The following FCHSD2 variants were observed in gnomAD, a reference collection of about 807,000 sequenced individuals.
FCHSD2 encodes F-BAR and double SH3 domains protein 2.
Under a neutral mutation model 108.1 loss-of-function variants are expected in FCHSD2, and 38 were observed. That is an observed-to-expected ratio of 0.35 (90% CI 0.27 to 0.46). FCHSD2 has a LOEUF of 0.46. Ranked by LOEUF, FCHSD2 falls within the 20% of genes least tolerant of loss-of-function variation. FCHSD2 has a pLI of 1.00. For missense variants in FCHSD2, 751 were observed against 897.8 expected (o/e 0.84, Z 2.09); for synonymous variants, 279 against 314.7 (o/e 0.89, Z 1.20).
rs1437780236 is a variant in FCHSD2, at chr11:73,141,937, G to C, written c.-60C>G. 1 of 1,478,384 alleles carries C rather than the reference G, an allele frequency of 6.8e-7. No homozygotes were observed. Among genetic ancestry groups the C allele is most frequent in the Non-Finnish European group, 9.1e-7 (1 of 1,095,540 alleles). The allele number at this position is 1,478,384 out of a possible 1,614,324, so 91.6% of individuals were successfully genotyped here. A position where few individuals can be genotyped will look rare whatever the true frequency, so the allele number is the denominator to read the frequency against. On this transcript the variant is annotated 5_prime_UTR_variant, in exon 1 of 20. Transcript: ENST00000409418. ...GCGTTAGCAAGGACCAGGAGGAGGA[G>C]GAGGGCCGGAGAGGAGGGGACGGCC...
chr11:72,998,102 G>A (rs1426863495), intron 5 of FCHSD2, among the ~76,000 whole-genome samples: 1 of 152,140 alleles, frequency 6.6e-6, no homozygotes. Context: ...AAAACAAAAT[G>A]CTGAAAAAGT....
At chr11:72,956,844 C>G (rs1180974078) in intron 8 of FCHSD2, among the ~76,000 whole-genome samples, 1 of 151,446 alleles carries the variant, frequency 6.6e-6, no homozygotes, top group Non-Finnish European at 1.5e-5. Flanking sequence ...AAAAACCAAC[C>G]CTAGAAGACA....
At chr11:73,084,947 G>A (rs1859780601) in intron 2 of FCHSD2, among the ~76,000 whole-genome samples, 1 of 130,758 alleles carries the variant, frequency 7.6e-6, no homozygotes, top group Admixed American at 7.8e-5. Context: ...AAAGACATAA[G>A]AGTAAGAAGG....
At chr11:72,988,230 T>G (rs1235205914) in intron 6 of FCHSD2, among the ~76,000 whole-genome samples, 1 of 152,240 alleles carries the variant, frequency 6.6e-6, no homozygotes, top group African/African-American at 2.4e-5. Context: ...TCAGCTCTCC[T>G]TCTCACAGAT....
At chr11:73,009,867 T>C (rs186126968) in intron 4 of FCHSD2, among the ~76,000 whole-genome samples, 6 of 152,336 alleles carry the variant, frequency 3.9e-5, no homozygotes, top group Admixed American at 3.3e-4. Flanking sequence ...TTGACTATAA[T>C]GTACCATGGA....
At chr11:73,041,264 C>T (rs900470809) in intron 3 of FCHSD2, among the ~76,000 whole-genome samples, 1 of 152,190 alleles carries the variant, frequency 6.6e-6, no homozygotes, top group Non-Finnish European at 1.5e-5. Flanking sequence ...ATTGCTGGAT[C>T]ATACGGTAGT....
chr11:72,849,205 T>C (rs150699430), intron 14 of FCHSD2, among the ~76,000 whole-genome samples: 2 of 152,260 alleles, frequency 1.3e-5, no homozygotes, highest in African/African-American at 4.8e-5. Flanking sequence ...AAGATTCATG[T>C]ATTCACGCCT....
chr11:73,090,119 A>C (rs1859917902), intron 2 of FCHSD2, among the ~76,000 whole-genome samples: 1 of 152,126 alleles, frequency 6.6e-6, no homozygotes, highest in South Asian at 2.1e-4. Context: ...CTTGATAGGA[A>C]GATCTAATGT....
At chr11:72,959,990 CT>C (rs1290062547) in intron 8 of FCHSD2, among the ~76,000 whole-genome samples, 2 of 152,036 alleles carry the variant, frequency 1.3e-5, no homozygotes, top group African/African-American at 2.4e-5. Context: ...AACCTACACA[CT>C]TCAAACACAT....
chr11:72,962,553 A>G (rs935060849), intron 8 of FCHSD2, among the ~76,000 whole-genome samples: 3 of 151,898 alleles, frequency 2.0e-5, no homozygotes, highest in African/African-American at 7.3e-5. Flanking sequence ...GATTTTTGAG[A>G]TGTTTTTCTT....
intron 2 of FCHSD2, among the ~76,000 whole-genome samples, chr11:73,130,647 C>G (rs1426854296): frequency 6.6e-6 from 1 of 152,146 alleles, no homozygotes; most frequent in African/African-American, 2.4e-5. Flanking sequence ...ATTACCAAAA[C>G]CCTAATTCTT....
At chr11:73,069,090 C>T (rs1859370082) in intron 3 of FCHSD2, among the ~76,000 whole-genome samples, 1 of 151,142 alleles carries the variant, frequency 6.6e-6, no homozygotes, top group Admixed American at 6.6e-5. Context: ...GTGGGCTAAT[C>T]ACCTGAGGTC....
chr11:72,858,748 A>G (rs542812943), intron 13 of FCHSD2, among the ~76,000 whole-genome samples: 3 of 152,318 alleles, frequency 2.0e-5, no homozygotes, highest in African/African-American at 7.2e-5. Flanking sequence ...ACCTGCAATT[A>G]TATCCCTGAA....
intron 8 of FCHSD2, among the ~76,000 whole-genome samples, chr11:72,971,755 T>C (rs1857010456): frequency 6.6e-6 from 1 of 152,172 alleles, no homozygotes; most frequent in African/African-American, 2.4e-5. Flanking sequence ...GATTTTGGCC[T>C]TGTGAAACCC....
intron 8 of FCHSD2, among the ~76,000 whole-genome samples, chr11:72,973,618 G>C (rs1293403984): frequency 6.6e-6 from 1 of 152,180 alleles, no homozygotes; most frequent in Admixed American, 6.5e-5. Flanking sequence ...GAGATGTTTT[G>C]GGAGGGGTCA....
intron 8 of FCHSD2, among the ~76,000 whole-genome samples, chr11:72,964,089 A>C (rs545117588): frequency 6.6e-6 from 1 of 152,372 alleles, no homozygotes; most frequent in East Asian, 1.9e-4. Context: ...TGATACAAAC[A>C]TGGATAATAT....
At chr11:72,867,700 C>T (rs1281237468) in intron 13 of FCHSD2, among the ~76,000 whole-genome samples, 165 bp downstream of exon 13, 4 of 152,008 alleles carry the variant, frequency 2.6e-5, no homozygotes, top group South Asian at 4.2e-4. Flanking sequence ...CTTTCACTTC[C>T]CGCAATAATT....
intron 12 of FCHSD2, among the ~76,000 whole-genome samples, chr11:72,876,720 G>A (rs1362072973): frequency 1.3e-5 from 2 of 152,092 alleles, no homozygotes; most frequent in Non-Finnish European, 2.9e-5. Flanking sequence ...TATCCTTACT[G>A]ATTTTCTATA....
Position 72,921,943 on chromosome 11 carries a change from T to C in FCHSD2, c.713A>G (p.Asp238Gly). The part of the protein sequence containing the change: ...TDLVNIMKAL[D>G]GNVYDHLKDY... ...CTTGAGATGATCATACACATTTCCA[T>C]CAAGAGCCTGTAATAGAGGAGTAAA... The change falls in exon 9 of 20, where the codon GAT (aspartate) becomes GGT (glycine). Residue 238 changes from aspartate to glycine, a missense_variant. Asp to Gly is a moderately conservative substitution (Grantham distance 94). Coordinates refer to ENST00000409418, the MANE Select transcript of FCHSD2 (RefSeq NM_014824.3). 3 of 1,588,408 alleles carry C rather than the reference T, an allele frequency of 1.9e-6. No individual in the cohort carries two copies. The highest frequency in any genetic ancestry group is 2.6e-6 in the Non-Finnish European group (3 of 1,165,864).
Sources: gnomAD v4.1 joint callset for allele counts (sites outside exome capture counted in the v4.1 genomes callset) on GRCh38, gnomAD v4.1.1 for gene constraint, MANE v1.5 for transcripts, NCBI Gene and HGNC (gene_info 2026-07-23, HGNC 2026-07-21) for gene names.